SAMD4A: variants seen among roughly 807,000 people sequenced by gnomAD.
The protein encoded by SAMD4A is sterile alpha motif domain containing 4A.
A neutral mutation model predicts 81.3 loss-of-function variants in SAMD4A; 33 were observed. That is an observed-to-expected ratio of 0.41 (90% confidence interval 0.31 to 0.54). The LOEUF is 0.54. Ranked by LOEUF, SAMD4A falls within the 20% of genes least tolerant of loss-of-function variation. The pLI, the probability that SAMD4A is intolerant of heterozygous loss-of-function variation, is 0.37. For missense variants in SAMD4A, 854 were observed against 951.1 expected (o/e 0.90, Z 1.34); for synonymous variants, 389 against 382.1 (o/e 1.02, Z -0.21).
intron 2 of SAMD4A, among the ~76,000 whole-genome samples, chr14:54,604,316 A>G (rs1399578199): frequency 1.3e-5 from 2 of 152,198 alleles, no homozygotes; most frequent in Admixed American, 6.5e-5. Context: ...GCACGTTGTA[A>G]CTTTCTCTTT....
intron 2 of SAMD4A, among the ~76,000 whole-genome samples, chr14:54,581,935 G>A (rs886263735): frequency 6.6e-6 from 1 of 152,182 alleles, no homozygotes. Flanking sequence ...ACAAGCGTTC[G>A]TTGGAAAAAG....
At chr14:54,657,811 A>T (rs759379638) in intron 2 of SAMD4A, among the ~76,000 whole-genome samples, 1 of 152,148 alleles carries the variant, frequency 6.6e-6, no homozygotes, top group Admixed American at 6.5e-5. Flanking sequence ...AGACTGTCCT[A>T]TTTGGGGTCT....
chr14:54,570,069 T>C (rs2033084393), intron 2 of SAMD4A, among the ~76,000 whole-genome samples: 1 of 152,228 alleles, frequency 6.6e-6, no homozygotes, highest in African/African-American at 2.4e-5. Flanking sequence ...CTAAATGATG[T>C]AGATATACAA....
intron 3 of SAMD4A, among the ~76,000 whole-genome samples, chr14:54,730,805 A>G (rs1373960947): frequency 6.6e-6 from 1 of 152,124 alleles, no homozygotes. Context: ...CTGGTTTTGT[A>G]TGTTTCAAAA....
chr14:54,666,921 AG>A (rs2035770565), intron 2 of SAMD4A, among the ~76,000 whole-genome samples: 1 of 152,184 alleles, frequency 6.6e-6, no homozygotes. Context: ...CTTAGTTTTA[AG>A]AAAAGTTAAA....
At position 54,764,436 on chromosome 14, in the gene SAMD4A, C is replaced by T; in HGVS notation, c.1511-19C>T. On this transcript the variant is annotated intron_variant, in intron 7 of 12. Transcript: ENST00000554335. ...AAAGGGGTGCATTTTTCTAATTCAT[C>T]TTTTCTTTTTAATTACAGTGTGCAC... is the stretch of plus-strand genomic sequence containing the variant. 1 of 1,552,638 alleles carries T rather than the reference C, an allele frequency of 6.4e-7. No individual in the cohort carries two copies. The highest frequency in any genetic ancestry group is 8.8e-7 in the Non-Finnish European group (1 of 1,137,576).
At chr14:54,656,505 T>A (rs76142275) in intron 2 of SAMD4A, among the ~76,000 whole-genome samples, 1,964 of 152,304 alleles carry the variant, frequency 0.013, 25 homozygotes, top group East Asian at 0.046. Flanking sequence ...GCTCTTGATA[T>A]ACCAAGTACC....
chr14:54,569,759 T>A (rs959903957), intron 2 of SAMD4A, among the ~76,000 whole-genome samples: 7 of 152,174 alleles, frequency 4.6e-5, no homozygotes, highest in African/African-American at 4.8e-5. Flanking sequence ...TTACGCAGAG[T>A]CATTTAGGTT....
chr14:54,700,989 G>A (rs2036699271), intron 2 of SAMD4A: 2 of 147,552 alleles, frequency 1.4e-5, no homozygotes. Context: ...CTGTGAAACG[G>A]TGAATTTTTT....
At chr14:54,758,543 C>G (rs2139850991) in intron 6 of SAMD4A, among the ~76,000 whole-genome samples, 1 of 152,226 alleles carries the variant, frequency 6.6e-6, no homozygotes, top group African/African-American at 2.4e-5. Context: ...AAATTAAATA[C>G]TTTGGGCTGG....
intron 12 of SAMD4A, among the ~76,000 whole-genome samples, chr14:54,787,024 A>G (rs907752229): frequency 2.0e-5 from 3 of 152,222 alleles, no homozygotes; most frequent in Non-Finnish European, 4.4e-5. Context: ...CCAATATGAC[A>G]GAGCTTCTCT....
At chr14:54,636,446 C>G (rs139228946) in intron 2 of SAMD4A, among the ~76,000 whole-genome samples, 4 of 152,028 alleles carry the variant, frequency 2.6e-5, no homozygotes, top group African/African-American at 9.7e-5. Context: ...TTGGAGACAT[C>G]GCAGGTTTTG....
chr14:54,698,928 A>G (rs1419580078), intron 2 of SAMD4A, among the ~76,000 whole-genome samples: 1 of 142,922 alleles, frequency 7.0e-6, no homozygotes, highest in Non-Finnish European at 1.5e-5. Flanking sequence ...TTTGTTGCTG[A>G]TTTTTTTTTT....
At chr14:54,779,569 A>T (rs2038947192) in intron 11 of SAMD4A, among the ~76,000 whole-genome samples, 1 of 151,894 alleles carries the variant, frequency 6.6e-6, no homozygotes. Context: ...TTCATCAGTC[A>T]CCTTGCTCGG....
At chr14:54,772,814 A>AAAAC (rs1263213267) in intron 9 of SAMD4A, among the ~76,000 whole-genome samples, 1 of 140,822 alleles carries the variant, frequency 7.1e-6, no homozygotes, top group Non-Finnish European at 1.6e-5. Flanking sequence ...TTCGTCATTA[A>AAAAC]AAACAAACAA....
chr14:54,590,034 G>A (rs2033732050), intron 2 of SAMD4A, among the ~76,000 whole-genome samples: 1 of 152,178 alleles, frequency 6.6e-6, no homozygotes, highest in South Asian at 2.1e-4. Flanking sequence ...GGGTGCTGTC[G>A]ATTTTGTTGA....
At chr14:54,779,035 C>T (rs1307785567) in intron 11 of SAMD4A, among the ~76,000 whole-genome samples, 2 of 152,204 alleles carry the variant, frequency 1.3e-5, no homozygotes, top group Non-Finnish European at 2.9e-5. Flanking sequence ...CCTCTGACCT[C>T]CAAGCAGGTC....
At chr14:54,643,390 G>C (rs1292465866) in intron 2 of SAMD4A, among the ~76,000 whole-genome samples, 1 of 152,158 alleles carries the variant, frequency 6.6e-6, no homozygotes, top group Non-Finnish European at 1.5e-5. Flanking sequence ...TTGATGCTTA[G>C]GTTTCAAAAA....
chr14:54,692,352 C>A (rs530738512), intron 2 of SAMD4A, among the ~76,000 whole-genome samples: 6 of 152,274 alleles, frequency 3.9e-5, no homozygotes, highest in African/African-American at 1.4e-4. Flanking sequence ...TTTTGTGATT[C>A]AGTCTGTTTA....
Sources: allele counts gnomAD v4.1 joint callset (sites outside exome capture counted in the v4.1 genomes callset), GRCh38; gene constraint gnomAD v4.1.1; transcripts MANE v1.5; gene names NCBI Gene and HGNC (gene_info 2026-07-23, HGNC 2026-07-21).